LEMD3: variants seen among roughly 807,000 people sequenced by gnomAD.
The protein encoded by LEMD3 is LEM domain containing 3.
In LEMD3, 33 loss-of-function variants were observed where a neutral mutation model predicts 95.2. The ratio of observed to expected loss-of-function variants is 0.35; its 90% CI spans 0.26 to 0.46. The LOEUF is 0.46. LEMD3 is among the 20% of genes least tolerant of loss of function. LEMD3 has a pLI of 1.00. For missense variants in LEMD3, 1,210 were observed against 1,192.8 expected, an observed-to-expected ratio of 1.01 and a Z score of -0.21; for synonymous variants, 525 against 474.6, an observed-to-expected ratio of 1.11 and a Z score of -1.38.
chr12:65,173,606 A>T (rs1479322241), intron 1 of LEMD3, among the ~76,000 whole-genome samples: 1 of 152,194 alleles, frequency 6.6e-6, no homozygotes, highest in Non-Finnish European at 1.5e-5. Flanking sequence ...CAGGTGAGAC[A>T]GTGTGTTAAA....
chr12:65,207,421 T>C (rs1280793572), intron 1 of LEMD3, among the ~76,000 whole-genome samples: 3 of 151,526 alleles, frequency 2.0e-5, no homozygotes, highest in Non-Finnish European at 4.4e-5. Flanking sequence ...AGTACATTAC[T>C]GAGATTCTGA....
At chr12:65,223,784 G>A (rs1391626290) in intron 4 of LEMD3, among the ~76,000 whole-genome samples, 6 of 146,538 alleles carry the variant, frequency 4.1e-5, no homozygotes, top group Non-Finnish European at 7.5e-5. Flanking sequence ...TTTTCTCTCC[G>A]TGTTGTAGCT....
At chr12:65,232,020 GTATTT>G (rs1180983024) in intron 4 of LEMD3, among the ~76,000 whole-genome samples, 5 of 152,048 alleles carry the variant, frequency 3.3e-5, no homozygotes, top group African/African-American at 1.2e-4. Flanking sequence ...TTTGCATATA[GTATTT>G]AATTTTCTAA....
intron 1 of LEMD3, among the ~76,000 whole-genome samples, chr12:65,182,102 C>T (rs1167032529): frequency 6.6e-6 from 1 of 152,150 alleles, no homozygotes; most frequent in Non-Finnish European, 1.5e-5. Context: ...CAAGGTCCCA[C>T]AGCTACTAGG....
chr12:65,207,194 C>T (rs971198710), intron 1 of LEMD3, among the ~76,000 whole-genome samples: 7 of 152,062 alleles, frequency 4.6e-5, no homozygotes, highest in Non-Finnish European at 7.4e-5. Context: ...TTTTATTCAA[C>T]GGAGAGGGTT....
Position 65,170,958 on chromosome 12 carries a change from C to G in LEMD3, c.1362C>G (p.Leu454=), listed in dbSNP as rs1042013399. The G allele has an allele frequency of 6.8e-6, 11 of 1,614,080 alleles. No individual in the cohort carries two copies. The highest frequency in any genetic ancestry group is 2.7e-5 in the African/African-American group (2 of 74,912). ...TTTCCGAACCCGAAGAGGAACTTCTCCAGCAATTTAAACGGGAGGAGGTGT... is the reference window on the plus strand; with the variant it reads ...TTTCCGAACCCGAAGAGGAACTTCTGCAGCAATTTAAACGGGAGGAGGTGT... ...PKLSEPEEEL[L]QQFKREEVSP... Residue 454 remains leucine (L), a synonymous_variant, in exon 1 of 13, where the codon CTC becomes CTG. Coordinates refer to ENST00000308330, the MANE Select transcript of LEMD3 (RefSeq NM_014319.5).
At chr12:65,197,073 C>T (rs1444318021) in intron 1 of LEMD3, among the ~76,000 whole-genome samples, 1 of 152,062 alleles carries the variant, frequency 6.6e-6, no homozygotes, top group Non-Finnish European at 1.5e-5. Flanking sequence ...TGGCAAGATC[C>T]TAGCTAGAGG....
At chr12:65,179,499 A>G (rs1406276781) in intron 1 of LEMD3, among the ~76,000 whole-genome samples, 1 of 152,194 alleles carries the variant, frequency 6.6e-6, no homozygotes, top group Non-Finnish European at 1.5e-5. Flanking sequence ...TTTAAAAGAG[A>G]AGGACACCTT....
chr12:65,171,195 A>G (rs1279343982), intron 1 of LEMD3, 77 bp downstream of exon 1: 2 of 1,592,910 alleles, frequency 1.3e-6, no homozygotes, highest in East Asian at 2.2e-5. Flanking sequence ...TTAGCGTTTT[A>G]CATGAAGTGA....
chr12:65,189,594 A>T (rs1187752980), intron 1 of LEMD3, among the ~76,000 whole-genome samples: 1 of 152,224 alleles, frequency 6.6e-6, no homozygotes, highest in African/African-American at 2.4e-5. Flanking sequence ...CAGGACTAGA[A>T]TCTGATATGC....
chr12:65,247,521 A>C lies in LEMD3; in HGVS notation c.*1196A>C, dbSNP rs1592467544. Reference sequence around the variant, plus strand: ...TGTGCCTCAGTATTTAATTTGTTTCAGTAAACTTACTTTATTACTGTTTAT... The same window carrying C: ...TGTGCCTCAGTATTTAATTTGTTTCCGTAAACTTACTTTATTACTGTTTAT... On this transcript the variant is annotated 3_prime_UTR_variant, in exon 13 of 13. Transcript: ENST00000308330. The C allele has an allele frequency of 6.6e-6, 1 of 152,236 alleles. No individual in the cohort carries two copies. The highest frequency in any genetic ancestry group is 2.4e-5 in the African/African-American group (1 of 41,452). 9.4% of individuals were successfully genotyped at this position (152,236 alleles called of 1,614,324 possible).
chr12:65,241,465 A>G (rs1870937402), intron 9 of LEMD3, among the ~76,000 whole-genome samples: 1 of 151,746 alleles, frequency 6.6e-6, no homozygotes, highest in Admixed American at 6.6e-5. Context: ...TGAAGTCATA[A>G]CTTTTTAACT....
intron 1 of LEMD3, among the ~76,000 whole-genome samples, chr12:65,181,619 C>A (rs575936082): frequency 6.6e-6 from 1 of 152,090 alleles, no homozygotes; most frequent in Admixed American, 6.5e-5. Context: ...TATATATACA[C>A]AAAAGAAATA....
chr12:65,221,630 C>A (rs551998812), intron 4 of LEMD3, among the ~76,000 whole-genome samples: 2 of 151,562 alleles, frequency 1.3e-5, no homozygotes, highest in African/African-American at 4.8e-5. Context: ...TTTTTTATTT[C>A]TTTTTCTTAT....
At chr12:65,183,469 T>G (rs1868966834) in intron 1 of LEMD3, among the ~76,000 whole-genome samples, 1 of 152,178 alleles carries the variant, frequency 6.6e-6, no homozygotes, top group African/African-American at 2.4e-5. Context: ...AGCATTACAA[T>G]GCCTGTAATG....
chr12:65,182,568 C>T (rs1274082668), intron 1 of LEMD3, among the ~76,000 whole-genome samples: 3 of 152,030 alleles, frequency 2.0e-5, no homozygotes, highest in Non-Finnish European at 4.4e-5. Context: ...TATCTTTTCA[C>T]GTTACATAAT....
chr12:65,227,830 A>C (rs1238461789), intron 4 of LEMD3, among the ~76,000 whole-genome samples: 1 of 149,622 alleles, frequency 6.7e-6, no homozygotes, highest in African/African-American at 2.5e-5. Context: ...AAGCCAAAAG[A>C]TTGGACACTC....
rs1868496925 is a variant in LEMD3, at chr12:65,170,466, TA to T, written c.871del (p.Ser291ValfsTer7). On this transcript the variant is annotated frameshift_variant, in exon 1 of 13. Transcript: ENST00000308330. LOFTEE classifies it high-confidence loss of function. ...LSRHRPRRTH[S>X]KPLPPLTAKS... ...CCCGGCATCGGCCCAGACGAACCCA[TA>T]GTAAGCCTCTCCCCCCGCTGACTGC... 6.2e-7 allele frequency: 1 copy of T among 1,612,792 alleles called. No individual in the cohort carries two copies. Among genetic ancestry groups the T allele is most frequent in the Non-Finnish European group, 8.5e-7 (1 of 1,179,754 alleles).
intron 1 of LEMD3, among the ~76,000 whole-genome samples, chr12:65,208,341 A>G (rs1869827347): frequency 6.6e-6 from 1 of 152,080 alleles, no homozygotes; most frequent in African/African-American, 2.4e-5. Flanking sequence ...CCGTCTTGGT[A>G]TTATCATTGC....
Sources: allele counts gnomAD v4.1 joint callset (sites outside exome capture counted in the v4.1 genomes callset), GRCh38; gene constraint gnomAD v4.1.1; transcripts MANE v1.5; gene names NCBI Gene and HGNC (gene_info 2026-07-23, HGNC 2026-07-21).